PLA2G4A: variants seen among roughly 807,000 people sequenced by gnomAD.
PLA2G4A encodes the protein cytosolic phospholipase A2.
A neutral mutation model predicts 81.9 loss-of-function variants in PLA2G4A; 40 were observed. The observed-to-expected ratio is 0.49, with a 90% CI of 0.38 to 0.64. The LOEUF is 0.64. Ranked by LOEUF, PLA2G4A falls within the 30% of genes least tolerant of loss-of-function variation. The pLI, the probability that PLA2G4A is intolerant of heterozygous loss-of-function variation, is 0.00. For synonymous variants in PLA2G4A, 302 were observed against 296.9 expected (o/e 1.02, Z -0.18); for missense variants, 715 against 905.1 (o/e 0.79, Z 2.69).
At chr1:186,854,216 C>G in intron 1 of PLA2G4A, 70 bp from the exon 2 acceptor site, 1 of 650,690 alleles carries the variant, frequency 1.5e-6, no homozygotes, top group Non-Finnish European at 2.8e-6. Context: ...AAGACGCATA[C>G]TCATAATTGT....
chr1:186,906,100 T>C (rs1447797969), intron 5 of PLA2G4A, among the ~76,000 whole-genome samples: 1 of 152,354 alleles, frequency 6.6e-6, no homozygotes, highest in East Asian at 1.9e-4. Context: ...TATGTTCTTA[T>C]GGTAACCTGA....
At chr1:186,979,790 T>A (rs1400421359) in intron 17 of PLA2G4A, among the ~76,000 whole-genome samples, 1 of 151,650 alleles carries the variant, frequency 6.6e-6, no homozygotes, top group East Asian at 1.9e-4. Context: ...AAAGGAAATA[T>A]GAGTAAAGGA....
chr1:186,988,645 G>A lies in PLA2G4A; in HGVS notation c.*137G>A. Reference sequence around the variant, plus strand: ...TGATACTCAAAGTTGCAGTTACTTAGCTGCATGAGAATAATACTATTATAA... The same window carrying A: ...TGATACTCAAAGTTGCAGTTACTTAACTGCATGAGAATAATACTATTATAA... On this transcript the variant is annotated 3_prime_UTR_variant, in exon 18 of 18. Coordinates refer to ENST00000367466, the MANE Select transcript of PLA2G4A (RefSeq NM_024420.3). 8.2e-6 allele frequency: 6 copies of A among 731,712 alleles called. No homozygotes were observed. Among genetic ancestry groups the A allele is most frequent in the Non-Finnish European group, 1.5e-5 (6 of 406,532 alleles). The allele number at this position is 731,712 out of a possible 1,614,324, so 45.3% of individuals were successfully genotyped here. A position where few individuals can be genotyped will look rare whatever the true frequency, so the allele number is the denominator to read the frequency against.
intron 3 of PLA2G4A, among the ~76,000 whole-genome samples, chr1:186,890,125 T>C (rs989714886): frequency 6.6e-5 from 10 of 152,166 alleles, no homozygotes; most frequent in African/African-American, 2.4e-4. Flanking sequence ...CATTACTTAG[T>C]TATTTGTTGT....
At chr1:186,965,655 T>C in intron 15 of PLA2G4A, 62 bp downstream of exon 15, 1 of 1,167,696 alleles carries the variant, frequency 8.6e-7, no homozygotes, top group East Asian at 2.3e-5. Context: ...CTTATAGATC[T>C]CTTAGTCCCT....
At chr1:186,893,685 G>A (rs946123776) in intron 4 of PLA2G4A, among the ~76,000 whole-genome samples, 4 of 151,962 alleles carry the variant, frequency 2.6e-5, no homozygotes, top group Non-Finnish European at 5.9e-5. Flanking sequence ...CATTTTCAGA[G>A]CACCAAGGCA....
At chr1:186,940,947 C>T (rs1243714133) in intron 10 of PLA2G4A, among the ~76,000 whole-genome samples, 3 of 152,066 alleles carry the variant, frequency 2.0e-5, no homozygotes, top group East Asian at 1.9e-4. Flanking sequence ...GGAGTGAACA[C>T]TTGTTTCTTC....
intron 17 of PLA2G4A, among the ~76,000 whole-genome samples, chr1:186,987,909 G>A (rs1374412361): frequency 6.6e-6 from 1 of 152,174 alleles, no homozygotes; most frequent in East Asian, 1.9e-4. Context: ...TATTGTTTCA[G>A]TTGAGGAAGG....
chr1:186,975,865 A>G (rs1037007543), intron 15 of PLA2G4A, among the ~76,000 whole-genome samples: 5 of 152,186 alleles, frequency 3.3e-5, no homozygotes, highest in Admixed American at 2.0e-4. Context: ...CACGCTGCAC[A>G]ACCCAGGCCC....
At chr1:186,951,453 TA>T (rs10647022) in intron 13 of PLA2G4A, among the ~76,000 whole-genome samples, 1 of 149,940 alleles carries the variant, frequency 6.7e-6, no homozygotes, top group Non-Finnish European at 1.5e-5. Flanking sequence ...TCCCAATAGT[TA>T]AAAAAAAGCC....
chr1:186,916,138 G>A (rs1267466821), intron 7 of PLA2G4A, among the ~76,000 whole-genome samples: 2 of 148,930 alleles, frequency 1.3e-5, no homozygotes, highest in African/African-American at 5.0e-5. Flanking sequence ...ATCATAGAAA[G>A]TTTGAAACAC....
intron 1 of PLA2G4A, among the ~76,000 whole-genome samples, chr1:186,830,998 CTTTCTTTCTTTCTTTCTTTCTT>C (rs1651560573): frequency 7.5e-6 from 1 of 133,800 alleles, no homozygotes; most frequent in Non-Finnish European, 1.6e-5. Context: ...TTCTTTCTTT[CTTTCTTTCTTTCTTTCTTTCTT>C]TTTCTTTCTT....
At chr1:186,979,943 CTT>C (rs34029312) in intron 17 of PLA2G4A, among the ~76,000 whole-genome samples, 46 of 98,782 alleles carry the variant, frequency 4.7e-4, no homozygotes, top group South Asian at 1.2e-3. Flanking sequence ...ACAGCATTTC[CTT>C]TTTTTTTTTT....
intron 3 of PLA2G4A, among the ~76,000 whole-genome samples, chr1:186,887,763 C>T (rs189600478): frequency 2.0e-5 from 3 of 152,160 alleles, no homozygotes; most frequent in Non-Finnish European, 4.4e-5. Context: ...TGAAACTTCT[C>T]TAAAGTATTG....
In PLA2G4A at chr1:186,979,414, A is replaced by G; in HGVS notation, c.2060A>G (p.Asn687Ser). Reference sequence around the variant, plus strand: ...TCAACCTTCAATTTTCAATATCCAAATCAAGCATTCAAAAGACTACATGAT... The same window carrying G: ...TCAACCTTCAATTTTCAATATCCAAGTCAAGCATTCAAAAGACTACATGAT... ...PFSTFNFQYP[N>S]QAFKRLHDLM... The change falls in exon 17 of 18, where the codon AAT becomes AGT. Residue 687 changes from asparagine (N) to serine (S), a missense_variant. Asn to Ser is a conservative substitution (Grantham distance 46, BLOSUM62 1). Transcript: ENST00000367466. 1 of 1,603,766 alleles carries G rather than the reference A, an allele frequency of 6.2e-7. No homozygotes were observed. Among genetic ancestry groups the G allele is most frequent in the Non-Finnish European group, 8.5e-7 (1 of 1,170,550 alleles).
rs1653371150 is a variant in PLA2G4A, at chr1:186,873,773, AT to A, written c.115+3258del. Among the ~76,000 whole-genome samples the A allele has an allele frequency of 2.0e-5, 3 of 152,202 alleles. No individual in the cohort carries two copies. The South Asian group carries it at 6.2e-4, about 32-fold the overall frequency. On this transcript the variant is annotated intron_variant, in intron 3 of 17. Coordinates refer to ENST00000367466, the MANE Select transcript of PLA2G4A (RefSeq NM_024420.3). ...TAAACTGTCTTTTGAAGAGTCAGAGATGACATTTTAATTTATAGCATCTCTT... is the reference window on the plus strand; with the variant it reads ...TAAACTGTCTTTTGAAGAGTCAGAGAGACATTTTAATTTATAGCATCTCTT...
chr1:186,843,648 G>T lies in PLA2G4A; in HGVS notation c.-69-10638G>T, dbSNP rs186504835. 2.0e-5 allele frequency among the ~76,000 whole-genome samples: 3 copies of T among 152,312 alleles called. No individual in the cohort carries two copies. The East Asian group carries it at 5.8e-4, about 29-fold the overall frequency. ...TAAGAGATGACTGACTTTAGAGAGT[G>T]AATTTATGCAGAACCCTGAATGACA... is the stretch of plus-strand genomic sequence containing the variant. On this transcript the variant is annotated intron_variant, in intron 1 of 17. Transcript: ENST00000367466.
Position 186,988,613 on chromosome 1 carries a change from G to T in PLA2G4A, c.*105G>T. On this transcript the variant is annotated 3_prime_UTR_variant, in exon 18 of 18. Coordinates refer to ENST00000367466, the MANE Select transcript of PLA2G4A (RefSeq NM_024420.3). Reference sequence around the variant, plus strand: ...ACAGATAGTCGTACTGATCATGAGAGACTGGCTGATACTCAAAGTTGCAGT... The same window carrying T: ...ACAGATAGTCGTACTGATCATGAGATACTGGCTGATACTCAAAGTTGCAGT... The T allele has an allele frequency of 1.0e-6, 1 of 990,696 alleles. No homozygotes were observed. Among genetic ancestry groups the T allele is most frequent in the Non-Finnish European group, 1.6e-6 (1 of 626,772 alleles). 61.4% of individuals were successfully genotyped at this position (990,696 alleles called of 1,614,324 possible). A position where few individuals can be genotyped will look rare whatever the true frequency, so the allele number is the denominator to read the frequency against.
At chr1:186,897,187 A>T (rs1339358131) in intron 5 of PLA2G4A, among the ~76,000 whole-genome samples, 1 of 152,178 alleles carries the variant, frequency 6.6e-6, no homozygotes, top group Admixed American at 6.5e-5. Flanking sequence ...AAACGTTAAT[A>T]CTGAGTCAAC....
Sources: allele counts gnomAD v4.1 joint callset (sites outside exome capture counted in the v4.1 genomes callset), GRCh38; gene constraint gnomAD v4.1.1; transcripts MANE v1.5; gene names NCBI Gene and HGNC (gene_info 2026-07-23, HGNC 2026-07-21).